The following PADI3 variants were observed in gnomAD, a reference collection of about 807,000 sequenced individuals.
PADI3 encodes peptidyl arginine deiminase 3.
A neutral mutation model predicts 71.5 loss-of-function variants in PADI3; 53 were observed. The ratio of observed to expected loss-of-function variants is 0.74; its 90% CI spans 0.59 to 0.93. The LOEUF is 0.93. Among genes scored for constraint, PADI3 ranks in the 40% least tolerant of loss-of-function variants. PADI3 has a pLI of 0.00. For missense variants in PADI3, 821 were observed against 868.0 expected, an observed-to-expected ratio of 0.95 and a Z score of 0.68; for synonymous variants, 361 against 347.5, an observed-to-expected ratio of 1.04 and a Z score of -0.43.
intron 14 of PADI3, 46 bp downstream of exon 14, chr1:17,280,475 C>T (rs376531893): frequency 9.0e-6 from 14 of 1,553,250 alleles, no homozygotes; most frequent in African/African-American, 2.7e-5. Context: ...TGGGAGTAGG[C>T]GGGGCTGGAG....
Position 17,276,683 on chromosome 1 carries a change from C to A in PADI3, c.1452+20C>A. The A allele has an allele frequency of 1.2e-6, 2 of 1,613,904 alleles. No individual in the cohort carries two copies. The highest frequency in any genetic ancestry group is 8.5e-7 in the Non-Finnish European group (1 of 1,179,968). The stretch of plus-strand genomic sequence containing the variant: ...GGGAAGGTAAGAACTTCGTGCATGA[C>A]GTGTCTTTCCCTGGCATCTGGGGCA... On this transcript the variant is annotated intron_variant, in intron 12 of 15. Transcript: ENST00000375460.
intron 3 of PADI3, among the ~76,000 whole-genome samples, chr1:17,262,432 G>A (rs1056693229): frequency 6.6e-6 from 1 of 152,186 alleles, no homozygotes; most frequent in African/African-American, 2.4e-5. Flanking sequence ...CTATAGACAT[G>A]GAACTGGACC....
intron 10 of PADI3, among the ~76,000 whole-genome samples, 193 bp from the exon 11 acceptor site, chr1:17,274,442 C>T (rs954086464): frequency 6.6e-6 from 1 of 152,212 alleles, no homozygotes; most frequent in Non-Finnish European, 1.5e-5. Flanking sequence ...GAGCACTTCC[C>T]GACTTTGCCT....
At chr1:17,282,354 T>C in intron 15 of PADI3, among the ~76,000 whole-genome samples, 1 of 152,180 alleles carries the variant, frequency 6.6e-6, no homozygotes, top group East Asian at 1.9e-4. Context: ...CTCCTACTTC[T>C]TCTCCCTCTT....
chr1:17,270,839 C>G (rs1414408828), intron 7 of PADI3, 40 bp from the exon 8 acceptor site: 4 of 1,466,762 alleles, frequency 2.7e-6, no homozygotes, highest in Non-Finnish European at 3.8e-6. Flanking sequence ...CCTCTGGACT[C>G]CAAGTCCAGT....
chr1:17,263,966 G>A (rs1425750595), intron 3 of PADI3, among the ~76,000 whole-genome samples: 6 of 152,186 alleles, frequency 3.9e-5, no homozygotes, highest in Non-Finnish European at 7.3e-5. Flanking sequence ...GAAGCAATTA[G>A]CAAAGAAGTT....
chr1:17,265,625 C>G (rs754049189), intron 3 of PADI3, 34 bp from the exon 4 acceptor site: 2 of 1,605,846 alleles, frequency 1.2e-6, no homozygotes, highest in African/African-American at 1.3e-5. Flanking sequence ...TCCTGGGAAC[C>G]TTGTAGTGAC....
chr1:17,253,453 G>C (rs1282185142), intron 1 of PADI3, among the ~76,000 whole-genome samples: 1 of 152,198 alleles, frequency 6.6e-6, no homozygotes, highest in Non-Finnish European at 1.5e-5. Flanking sequence ...ACATGGAAAA[G>C]ACAGAAGGCA....
At chr1:17,257,556 G>A (rs1400978673) in intron 1 of PADI3, among the ~76,000 whole-genome samples, 9 of 152,252 alleles carry the variant, frequency 5.9e-5, no homozygotes, top group African/African-American at 2.2e-4. Flanking sequence ...AGAAACAGGT[G>A]TGTCTGTCCC....
intron 6 of PADI3, among the ~76,000 whole-genome samples, chr1:17,269,316 T>C (rs10888012): frequency 0.33 from 50,833 of 152,054 alleles, 8,636 homozygotes; most frequent in African/African-American, 0.38. Context: ...ACACACCTTT[T>C]CTGGTATTTA....
intron 6 of PADI3, among the ~76,000 whole-genome samples, chr1:17,269,194 T>C (rs916713972): frequency 2.6e-5 from 4 of 152,190 alleles, no homozygotes; most frequent in African/African-American, 9.7e-5. Context: ...CTGAATCTGA[T>C]TGTCACTGTT....
chr1:17,279,347 A>C (rs932986651), intron 13 of PADI3, among the ~76,000 whole-genome samples: 2 of 152,318 alleles, frequency 1.3e-5, no homozygotes, highest in African/African-American at 2.4e-5. Flanking sequence ...CGAGAGATCA[A>C]ATGGGATGAC....
chr1:17,265,763 G>C (rs775202311), intron 4 of PADI3, 43 bp downstream of exon 4: 2 of 1,571,084 alleles, frequency 1.3e-6, no homozygotes, highest in East Asian at 4.5e-5. Context: ...AGTGCAGTTG[G>C]AGCTTGCTCT....
At chr1:17,274,863 C>G in intron 11 of PADI3, 77 bp downstream of exon 11, 1 of 1,396,358 alleles carries the variant, frequency 7.2e-7, no homozygotes, top group Admixed American at 2.0e-5. Context: ...GGAGCAGGGG[C>G]CATTGCACTC....
intron 10 of PADI3, 77 bp downstream of exon 10, chr1:17,273,524 CA>C (rs2073285554): frequency 1.2e-6 from 1 of 861,404 alleles, no homozygotes; most frequent in Admixed American, 2.3e-5. Flanking sequence ...GTGTGGGGTA[CA>C]GAGGGCAGCA....
intron 1 of PADI3, among the ~76,000 whole-genome samples, chr1:17,259,232 G>C (rs1291831697): frequency 2.6e-5 from 4 of 152,182 alleles, no homozygotes; most frequent in African/African-American, 9.7e-5. Context: ...ACCACGCCTG[G>C]CTATTTTCTT....
At chr1:17,270,479 T>A in intron 7 of PADI3, 68 bp downstream of exon 7, 2 of 1,329,618 alleles carry the variant, frequency 1.5e-6, no homozygotes, top group Non-Finnish European at 2.0e-6. Flanking sequence ...TGAAACCCCA[T>A]CTCTACAAAA....
Position 17,283,706 on chromosome 1 carries a change from G to A in PADI3, c.*627G>A, listed in dbSNP as rs756258099. On this transcript the variant is annotated 3_prime_UTR_variant, in exon 16 of 16. Coordinates refer to ENST00000375460, the MANE Select transcript of PADI3 (RefSeq NM_016233.2). ...TAGGAGCTTCTAGATGCATGTGGAA[G>A]CAATGAGAGTTGTCCCTTAGCCTTA... 10 of 152,440 alleles carry A rather than the reference G, an allele frequency of 6.6e-5. No homozygotes were observed. Among genetic ancestry groups the A allele is most frequent in the Non-Finnish European group, 7.3e-5 (5 of 68,214 alleles). 9.4% of individuals were successfully genotyped at this position (152,440 alleles called of 1,614,324 possible). A position where few individuals can be genotyped will look rare whatever the true frequency, so the allele number is the denominator to read the frequency against.
intron 9 of PADI3, among the ~76,000 whole-genome samples, chr1:17,272,827 C>T (rs1366936027): frequency 6.6e-6 from 1 of 152,196 alleles, no homozygotes; most frequent in African/African-American, 2.4e-5. Context: ...CTTAGTTCCT[C>T]ATTTTCCTCA....
Sources: allele counts gnomAD v4.1 joint callset (sites outside exome capture counted in the v4.1 genomes callset), GRCh38; gene constraint gnomAD v4.1.1; transcripts MANE v1.5; gene names NCBI Gene and HGNC (gene_info 2026-07-23, HGNC 2026-07-21).